Variants in MYO9A observed in about 807,000 individuals in gnomAD.
MYO9A encodes unconventional myosin-IXa.
Under a neutral mutation model 293.3 loss-of-function variants are expected in MYO9A, and 103 were observed. The ratio of observed to expected loss-of-function variants is 0.35; its 90% CI spans 0.30 to 0.41. The LOEUF is 0.41. Among genes scored for constraint, MYO9A ranks in the 10% least tolerant of loss-of-function variants. The probability of loss-of-function intolerance (pLI) is 1.00; values close to 1 mark genes in which losing one functional copy is unlikely to be tolerated. For missense variants in MYO9A, 2,685 were observed against 3,033.0 expected, an observed-to-expected ratio of 0.89 and a Z score of 2.69; for synonymous variants, 1,001 against 1,035.7, an observed-to-expected ratio of 0.97 and a Z score of 0.64.
chr15:72,091,889 T>C (rs1470894750), intron 1 of MYO9A, among the ~76,000 whole-genome samples: 4 of 152,072 alleles, frequency 2.6e-5, no homozygotes, highest in African/African-American at 9.7e-5. Flanking sequence ...TAATTTTTTG[T>C]ATTTTTTTAG....
Position 72,045,992 on chromosome 15 carries a change from A to C in MYO9A, c.572T>G (p.Phe191Cys), listed in dbSNP as rs866342017. The change falls in exon 2 of 42, where the codon TTT becomes TGT. Residue 191 changes from phenylalanine (F) to cysteine (C), a missense_variant. Transcript: ENST00000356056. ...ATATTTGGGGTTATAAATAGGAAGA[A>C]ACTTGAATGGGTTAATAACTATTAG... is the stretch of plus-strand genomic sequence containing the variant. ...SILIVINPFK[F>C]LPIYNPKYVK... The C allele has an allele frequency of 1.2e-6, 2 of 1,614,176 alleles. No individual in the cohort carries two copies. Among genetic ancestry groups the C allele is most frequent in the South Asian group, 1.1e-5 (1 of 91,086 alleles).
At chr15:72,008,489 GGTGTGTGTGTGT>G (rs111259580) in intron 7 of MYO9A, among the ~76,000 whole-genome samples, 1 of 139,878 alleles carries the variant, frequency 7.1e-6, no homozygotes, top group South Asian at 2.4e-4. Context: ...GGGGTAAATG[GGTGTGTGTGTGT>G]GTGTATGTGT....
At chr15:71,957,015 GT>G (rs902813131) in intron 14 of MYO9A, among the ~76,000 whole-genome samples, 1 of 151,978 alleles carries the variant, frequency 6.6e-6, no homozygotes, top group African/African-American at 2.4e-5. Flanking sequence ...GAACATTTGG[GT>G]TGTCTCTACT....
At chr15:72,108,726 C>T (rs144693453) in intron 1 of MYO9A, among the ~76,000 whole-genome samples, 2,745 of 149,458 alleles carry the variant, frequency 0.018, 47 homozygotes, top group Non-Finnish European at 0.03. Flanking sequence ...AAAATATATA[C>T]GAAGTATTTT....
chr15:72,084,496 G>C (rs192028744), intron 1 of MYO9A, among the ~76,000 whole-genome samples: 80 of 152,238 alleles, frequency 5.3e-4, no homozygotes, highest in African/African-American at 1.9e-3. Flanking sequence ...TGATAAGTGT[G>C]GATTTGATAC....
At chr15:71,922,850 C>T (rs752394191) in intron 18 of MYO9A, among the ~76,000 whole-genome samples, 14 of 152,144 alleles carry the variant, frequency 9.2e-5, no homozygotes, top group Non-Finnish European at 1.8e-4. Flanking sequence ...GTGTCTTCCT[C>T]CTTTCCAATT....
chr15:71,999,638 G>A (rs945195949), intron 9 of MYO9A, among the ~76,000 whole-genome samples: 1 of 152,090 alleles, frequency 6.6e-6, no homozygotes, highest in Non-Finnish European at 1.5e-5. Context: ...AAGATCCTTG[G>A]AGAAAAATGC....
intron 19 of MYO9A, among the ~76,000 whole-genome samples, chr15:71,905,221 G>A (rs796635203): frequency 6.6e-6 from 1 of 152,034 alleles, no homozygotes; most frequent in Non-Finnish European, 1.5e-5. Flanking sequence ...CAGATAGCCT[G>A]GAAATAGTAA....
chr15:71,857,791 A>G (rs1406082394), intron 34 of MYO9A, among the ~76,000 whole-genome samples: 1 of 152,226 alleles, frequency 6.6e-6, no homozygotes, highest in African/African-American at 2.4e-5. Flanking sequence ...CTACACAGCA[A>G]AAGAAACTAC....
intron 18 of MYO9A, among the ~76,000 whole-genome samples, chr15:71,928,903 G>GGA (rs1555484571): frequency 1.4e-5 from 2 of 144,148 alleles, no homozygotes; most frequent in Admixed American, 1.4e-4. Flanking sequence ...ATCTCTACGA[G>GGA]AAAAAAAAAA....
chr15:72,034,335 T>G (rs757046109), intron 2 of MYO9A, among the ~76,000 whole-genome samples: 50 of 152,368 alleles, frequency 3.3e-4, no homozygotes, highest in Middle Eastern at 3.4e-3. Flanking sequence ...ACCACCGCTC[T>G]ACTTATTATG....
At position 71,904,941 on chromosome 15, in the gene MYO9A, G is replaced by T; in HGVS notation, c.2751C>A (p.Arg917=). 6.2e-7 allele frequency: 1 copy of T among 1,605,054 alleles called. No individual in the cohort carries two copies. The highest frequency in any genetic ancestry group is 8.5e-7 in the Non-Finnish European group (1 of 1,173,928). Reference sequence around the variant, plus strand: ...ACATTTTTACCTTTTCAGCATTAGAGCGAATGCATTTTACAAAATATGGTT... The same window carrying T: ...ACATTTTTACCTTTTCAGCATTAGATCGAATGCATTTTACAAAATATGGTT... ...QAEPYFVKCI[R]SNAEKLPLRF... Residue 917 remains arginine, a synonymous_variant, in exon 20 of 42, where the codon CGC becomes CGA. Coordinates refer to ENST00000356056, the MANE Select transcript of MYO9A (RefSeq NM_006901.4).
At chr15:71,926,868 G>A (rs1308661615) in intron 18 of MYO9A, among the ~76,000 whole-genome samples, 3 of 152,206 alleles carry the variant, frequency 2.0e-5, no homozygotes, top group Admixed American at 6.5e-5. Flanking sequence ...AGGTTTCAGA[G>A]GTGGCATCAT....
intron 3 of MYO9A, among the ~76,000 whole-genome samples, chr15:72,028,295 C>A (rs1446916891): frequency 2.1e-5 from 3 of 145,694 alleles, no homozygotes; most frequent in Non-Finnish European, 4.5e-5. Context: ...TAGTGTTATC[C>A]ATGTTAAATT....
rs1297449341 is a variant in MYO9A at position 71,898,427 on chromosome 15, G to C, written c.4076C>G (p.Pro1359Arg). 3.7e-6 allele frequency: 6 copies of C among 1,613,820 alleles called. No individual in the cohort carries two copies. Among genetic ancestry groups the C allele is most frequent in the South Asian group, 1.1e-5 (1 of 91,068 alleles). The change falls in exon 25 of 42, where the codon CCT (proline) becomes CGT (arginine). Residue 1359 changes from proline (P) to arginine (R), a missense_variant. Transcript: ENST00000356056. ...SDEGDLQFPS[P>R]KISSSPKFDS... ...AAATTTTGGACTGCTGGATATCTTA[G>C]GTGATGGAAACTGCAAGTCTCCTTC...
intron 8 of MYO9A, among the ~76,000 whole-genome samples, chr15:72,000,321 TTA>T (rs2148671425): frequency 6.6e-6 from 1 of 152,364 alleles, no homozygotes; most frequent in African/African-American, 2.4e-5. Flanking sequence ...GGATATTTAT[TTA>T]TGTTTCAGAT....
chr15:72,105,743 G>A (rs1053450486), intron 1 of MYO9A, among the ~76,000 whole-genome samples: 2 of 152,128 alleles, frequency 1.3e-5, no homozygotes, highest in African/African-American at 2.4e-5. Flanking sequence ...TCAACCTCAG[G>A]TGATCCACCG....
intron 26 of MYO9A, chr15:71,893,013 TAG>T: frequency 7.8e-7 from 1 of 1,289,792 alleles, no homozygotes; most frequent in Non-Finnish European, 1.0e-6. Context: ...GTGCAGGCCC[TAG>T]CTCACAGTGA....
chr15:71,828,162 G>T, intron 40 of MYO9A, 136 bp from the exon 41 acceptor site: 2 of 967,990 alleles, frequency 2.1e-6, no homozygotes, highest in Non-Finnish European at 3.0e-6. Flanking sequence ...TCCAGGTGGT[G>T]ATGAGGACCT....
Sources: gnomAD v4.1 joint callset for allele counts (sites outside exome capture counted in the v4.1 genomes callset) on GRCh38, gnomAD v4.1.1 for gene constraint, MANE v1.5 for transcripts, NCBI Gene and HGNC (gene_info 2026-07-23, HGNC 2026-07-21) for gene names.